MUC7: variants seen among roughly 807,000 people sequenced by gnomAD.
MUC7 encodes mucin-7.
A neutral mutation model predicts 2.5 loss-of-function variants in MUC7; 2 were observed. That is an observed-to-expected ratio of 0.81 (90% CI 0.33 to 2.55). The LOEUF (loss-of-function observed/expected upper bound fraction) is 2.55. Among genes scored for constraint, MUC7 ranks in the 30% most tolerant of loss-of-function variants. The pLI is 0.11. For synonymous variants in MUC7, 133 were observed against 173.4 expected, an observed-to-expected ratio of 0.77 and a Z score of 1.83; for missense variants, 408 against 455.6, an observed-to-expected ratio of 0.90 and a Z score of 0.95.
chr4:70,453,098 A>G (rs1580577), intron 1 of MUC7, among the ~76,000 whole-genome samples: 121,980 of 151,644 alleles, frequency 0.8, 49,552 homozygotes, highest in Middle Eastern at 0.88. Context: ...ACTGGATCTC[A>G]TGCCAGGCCT....
chr4:70,444,237 T>C (rs1234696362), intron 1 of MUC7, among the ~76,000 whole-genome samples: 1 of 152,210 alleles, frequency 6.6e-6, no homozygotes, highest in Non-Finnish European at 1.5e-5. Flanking sequence ...CCTGGAAATA[T>C]GACATTTGAT....
In MUC7 at chr4:70,482,231, C is replaced by G. The variant is rs889175872; in HGVS notation, c.*353C>G. The G allele has an allele frequency of 4.4e-6, 1 of 226,866 alleles. No individual in the cohort carries two copies. Among genetic ancestry groups the G allele is most frequent in the African/African-American group, 2.3e-5 (1 of 43,450 alleles). 14.1% of individuals were successfully genotyped at this position (226,866 alleles called of 1,614,324 possible). On this transcript the variant is annotated 3_prime_UTR_variant, in exon 3 of 3. Transcript: ENST00000304887. ...AAACTACAAAACCACTACCTTGTAC[C>G]CCCATCAAAATCCCACCTGAACCAT...
chr4:70,465,659 T>C (rs1347871664), intron 1 of MUC7, among the ~76,000 whole-genome samples: 3 of 151,618 alleles, frequency 2.0e-5, no homozygotes, highest in African/African-American at 7.3e-5. Context: ...AGATTGAAGA[T>C]CAACTTAATG....
intron 1 of MUC7, among the ~76,000 whole-genome samples, chr4:70,461,890 A>G (rs1397469666): frequency 6.6e-6 from 1 of 152,176 alleles, no homozygotes; most frequent in Non-Finnish European, 1.5e-5. Context: ...CACAGCTAAT[A>G]CAAAAGAAAT....
In MUC7 at chr4:70,449,079, G is replaced by A. The variant is rs1734216839; in HGVS notation, c.-93+18392G>A. Reference sequence around the variant, plus strand: ...GGCCTGTAGTTTTATTTTCTTGTGAGTCTTTGTCTGGTTTTGGTATCAGGG... The same window carrying A: ...GGCCTGTAGTTTTATTTTCTTGTGAATCTTTGTCTGGTTTTGGTATCAGGG... On this transcript the variant is annotated intron_variant, in intron 1 of 3. Coordinates refer to the MUC7 transcript ENST00000413702. Among the ~76,000 whole-genome samples, 3 of 152,088 alleles carry A rather than the reference G, an allele frequency of 2.0e-5. No individual in the cohort carries two copies. The South Asian group carries it at 6.2e-4, about 32-fold the overall frequency.
chr4:70,438,562 T>C (rs1733921748), intron 1 of MUC7, among the ~76,000 whole-genome samples: 1 of 152,076 alleles, frequency 6.6e-6, no homozygotes, highest in South Asian at 2.1e-4. Flanking sequence ...GTTCAAGCAA[T>C]TCTCCAGCCT....
At chr4:70,478,787 C>A (rs1202529858) in intron 2 of MUC7, among the ~76,000 whole-genome samples, 1 of 152,154 alleles carries the variant, frequency 6.6e-6, no homozygotes, top group East Asian at 1.9e-4. Flanking sequence ...ACAATATGAC[C>A]TGTTCTATTT....
At chr4:70,476,759 C>A (rs763535057) in intron 2 of MUC7, among the ~76,000 whole-genome samples, 6 of 152,090 alleles carry the variant, frequency 3.9e-5, no homozygotes, top group Non-Finnish European at 7.4e-5. Flanking sequence ...TGCACTTCAG[C>A]CTGGGTGACA....
At chr4:70,467,035 AG>A (rs1274629118) in intron 1 of MUC7, among the ~76,000 whole-genome samples, 2 of 152,240 alleles carry the variant, frequency 1.3e-5, no homozygotes, top group African/African-American at 2.4e-5. Context: ...CAAATGCAAA[AG>A]AATGGAAATC....
chr4:70,462,670 C>G (rs977948859), intron 1 of MUC7, among the ~76,000 whole-genome samples: 24 of 152,178 alleles, frequency 1.6e-4, no homozygotes, highest in Non-Finnish European at 3.1e-4. Context: ...CCTGCCAAGA[C>G]TAGTTAAAGC....
chr4:70,439,857 G>T (rs1426346294), intron 1 of MUC7, among the ~76,000 whole-genome samples: 1 of 151,994 alleles, frequency 6.6e-6, no homozygotes, highest in Non-Finnish European at 1.5e-5. Flanking sequence ...CATTTTAGCA[G>T]TTAAATTTCA....
At chr4:70,438,545 C>A (rs1324107925) in intron 1 of MUC7, among the ~76,000 whole-genome samples, 2 of 152,130 alleles carry the variant, frequency 1.3e-5, no homozygotes, top group Non-Finnish European at 2.9e-5. Flanking sequence ...CAACCTCTGC[C>A]TCCCAGGTTC....
chr4:70,480,250 T>C (rs1735126013), intron 2 of MUC7, among the ~76,000 whole-genome samples: 1 of 152,244 alleles, frequency 6.6e-6, no homozygotes, highest in Non-Finnish European at 1.5e-5. Context: ...CTCCAATTTA[T>C]AAAGGCTAAA....
chr4:70,479,234 A>G (rs1735097773), intron 2 of MUC7, among the ~76,000 whole-genome samples: 1 of 152,214 alleles, frequency 6.6e-6, no homozygotes, highest in African/African-American at 2.4e-5. Flanking sequence ...ATCTAATTCT[A>G]TGACCTCTTT....
rs774539780 is a variant in MUC7, at chr4:70,481,414, G to C, written c.670G>C (p.Ala224Pro). 3.1e-6 allele frequency: 5 copies of C among 1,608,270 alleles called. No individual in the cohort carries two copies. In the South Asian group the frequency reaches 5.5e-5, roughly 18 times the overall value. Reference sequence around the variant, plus strand: ...ACCCACACCTCCTGCAACTACACCAGCTCCACCATCTTCCTCAGCTCCACC... The same window carrying C: ...ACCCACACCTCCTGCAACTACACCACCTCCACCATCTTCCTCAGCTCCACC... ...APPTPPATTP[A>P]PPSSSAPPET... The change falls in exon 3 of 3, where the codon GCT becomes CCT. Residue 224 changes from alanine (A) to proline (P), a missense_variant. Ala to Pro is a conservative substitution (Grantham distance 27, BLOSUM62 -1). Transcript: ENST00000304887.
intron 1 of MUC7, among the ~76,000 whole-genome samples, chr4:70,433,041 G>C (rs1733723391): frequency 6.6e-6 from 1 of 152,144 alleles, no homozygotes; most frequent in South Asian, 2.1e-4. Flanking sequence ...GATGGTTGTA[G>C]ATCTATGGTA....
intron 1 of MUC7, among the ~76,000 whole-genome samples, chr4:70,444,011 C>A (rs1734066369): frequency 6.6e-6 from 1 of 152,228 alleles, no homozygotes; most frequent in African/African-American, 2.4e-5. Context: ...AGCAGCCAAA[C>A]TGACCCTCAT....
chr4:70,450,769 C>T (rs1312180474), intron 1 of MUC7, among the ~76,000 whole-genome samples: 7 of 152,150 alleles, frequency 4.6e-5, no homozygotes, highest in Non-Finnish European at 1.0e-4. Flanking sequence ...GAACAAGGGC[C>T]TCATGACTCT....
chr4:70,449,849 A>G (rs980302626), intron 1 of MUC7, among the ~76,000 whole-genome samples: 61 of 152,306 alleles, frequency 4.0e-4, no homozygotes, highest in African/African-American at 1.3e-3. Flanking sequence ...GGATGGAGTG[A>G]CACAAGCACC....
Sources: gnomAD v4.1 joint callset for allele counts (sites outside exome capture counted in the v4.1 genomes callset) on GRCh38, gnomAD v4.1.1 for gene constraint, MANE v1.5 for transcripts, NCBI Gene and HGNC (gene_info 2026-07-23, HGNC 2026-07-21) for gene names.